Variants in TMED3 observed in about 807,000 individuals in gnomAD.
The protein encoded by TMED3 is transmembrane emp24 domain-containing protein 3.
In TMED3, 9 loss-of-function variants were observed where a neutral mutation model predicts 15.0. The ratio of observed to expected loss-of-function variants is 0.60; its 90% CI spans 0.36 to 1.04. The LOEUF is 1.04. Ranked by LOEUF, TMED3 falls within the 50% of genes least tolerant of loss-of-function variation. The pLI, the probability that TMED3 is intolerant of heterozygous loss-of-function variation, is 0.01. For missense variants in TMED3, 267 were observed against 278.9 expected (o/e 0.96, Z 0.30); for synonymous variants, 117 against 121.4 (o/e 0.96, Z 0.24).
At chr15:79,357,347 T>A (rs1019046908) in intron 2 of TMED3, among the ~76,000 whole-genome samples, 13 of 150,476 alleles carry the variant, frequency 8.6e-5, no homozygotes, top group African/African-American at 3.2e-4. Context: ...TTGCCAAGCA[T>A]GGCAGTGCAT....
At chr15:79,345,482 T>G (rs7174031) in intron 2 of TMED3, among the ~76,000 whole-genome samples, 14,350 of 152,256 alleles carry the variant, frequency 0.094, 711 homozygotes, top group Admixed American at 0.12. Flanking sequence ...CATGATCTTG[T>G]TCTTTTTCTG....
At chr15:79,376,092 G>GTTTTTTTTTTTTTTTTT (rs199728545) in intron 2 of TMED3, among the ~76,000 whole-genome samples, 4 of 112,080 alleles carry the variant, frequency 3.6e-5, no homozygotes, top group African/African-American at 1.1e-4. Context: ...CTAGAGAAAG[G>GTTTTTTTTTTTTTTTTT]TTTTTTTTTT....
intron 2 of TMED3, among the ~76,000 whole-genome samples, chr15:79,333,783 G>A (rs1162750019): frequency 6.6e-6 from 1 of 152,126 alleles, no homozygotes; most frequent in African/African-American, 2.4e-5. Flanking sequence ...TAAAGCTACT[G>A]TGAGAATTAG....
At chr15:79,336,704 A>G (rs2058828358) in intron 2 of TMED3, among the ~76,000 whole-genome samples, 1 of 135,140 alleles carries the variant, frequency 7.4e-6, no homozygotes, top group Non-Finnish European at 1.7e-5. Context: ...CAAACAAACA[A>G]ACAAACAAAC....
At chr15:79,338,462 T>C (rs1182920034) in intron 2 of TMED3, among the ~76,000 whole-genome samples, 2 of 152,160 alleles carry the variant, frequency 1.3e-5, no homozygotes, top group East Asian at 3.9e-4. Flanking sequence ...GAAAGTTCCT[T>C]GTAAAATTAA....
At chr15:79,322,902 G>A (rs572368905), downstream of TMED3, 3 of 985,162 alleles carry the variant, frequency 3.0e-6, no homozygotes, top group East Asian at 1.1e-4. Context: ...GCAGAGCATG[G>A]GTGTGTGCAT....
chr15:79,333,173 T>C (rs1261645523), intron 2 of TMED3, among the ~76,000 whole-genome samples: 1 of 152,258 alleles, frequency 6.6e-6, no homozygotes, highest in African/African-American at 2.4e-5. Flanking sequence ...GGTACAGGTC[T>C]ACTGGGGAGA....
chr15:79,314,107 C>G, intron 2 of TMED3, 102 bp downstream of exon 2: 1 of 1,479,740 alleles, frequency 6.8e-7, no homozygotes, highest in Admixed American at 2.1e-5. Flanking sequence ...CCATCCAGCT[C>G]CCAGTCTGGA....
intron 2 of TMED3, among the ~76,000 whole-genome samples, chr15:79,361,334 A>T (rs1008849050): frequency 1.3e-5 from 2 of 152,246 alleles, no homozygotes; most frequent in African/African-American, 2.4e-5. Context: ...AAGTGAGGTA[A>T]CTCAGGTAAA....
At chr15:79,336,701 AC>A (rs2058828342) in intron 2 of TMED3, among the ~76,000 whole-genome samples, 1 of 135,098 alleles carries the variant, frequency 7.4e-6, no homozygotes, top group African/African-American at 2.5e-5. Flanking sequence ...AAACAAACAA[AC>A]AAACAAACAA....
intron 2 of TMED3, among the ~76,000 whole-genome samples, chr15:79,390,665 C>T (rs1020307428): frequency 3.3e-5 from 5 of 151,982 alleles, no homozygotes; most frequent in Admixed American, 3.3e-4. Context: ...AGGATTGGTA[C>T]CAATTCTTCT....
intron 2 of TMED3, among the ~76,000 whole-genome samples, chr15:79,344,210 C>T (rs774192090): frequency 1.3e-5 from 2 of 152,158 alleles, no homozygotes; most frequent in African/African-American, 4.8e-5. Flanking sequence ...GCCCACAAGG[C>T]ACCAGAAGAT....
chr15:79,363,913 C>T (rs1893179662), intron 2 of TMED3, among the ~76,000 whole-genome samples: 2 of 152,124 alleles, frequency 1.3e-5, no homozygotes, highest in Admixed American at 1.3e-4. Flanking sequence ...TCCAAACTCT[C>T]CGATGTCTTA....
At chr15:79,341,942 C>T (rs891801264) in intron 2 of TMED3, among the ~76,000 whole-genome samples, 2 of 152,236 alleles carry the variant, frequency 1.3e-5, no homozygotes, top group Non-Finnish European at 2.9e-5. Context: ...AAGAAGTATA[C>T]GACCCAGAGT....
intron 2 of TMED3, among the ~76,000 whole-genome samples, chr15:79,364,986 G>A (rs1475769240): frequency 2.6e-5 from 4 of 152,238 alleles, no homozygotes; most frequent in Non-Finnish European, 5.9e-5. Flanking sequence ...CACTTAAGCT[G>A]TCTGCGGATG....
At chr15:79,389,604 A>G (rs1893671181) in intron 2 of TMED3, among the ~76,000 whole-genome samples, 1 of 152,026 alleles carries the variant, frequency 6.6e-6, no homozygotes, top group Non-Finnish European at 1.5e-5. Flanking sequence ...GAATTTTAGA[A>G]TTGTGTTCTC....
chr15:79,324,051 T>C (rs778188386), downstream of TMED3, among the ~76,000 whole-genome samples: 11 of 152,156 alleles, frequency 7.2e-5, no homozygotes, highest in Admixed American at 1.3e-4. Flanking sequence ...AGTGCAGTGG[T>C]GCAGTCTCGG....
chr15:79,365,642 C>T (rs774187340), intron 2 of TMED3, among the ~76,000 whole-genome samples: 13 of 152,216 alleles, frequency 8.5e-5, no homozygotes, highest in Non-Finnish European at 1.6e-4. Context: ...GTCTGGTGCT[C>T]AGTAAATCAG....
chr15:79,331,113 A>G (rs1419348795), intron 2 of TMED3, among the ~76,000 whole-genome samples: 1 of 152,154 alleles, frequency 6.6e-6, no homozygotes, highest in African/African-American at 2.4e-5. Flanking sequence ...CTTTTAAACA[A>G]CCAGATTGTG....
Sources: allele counts gnomAD v4.1 joint callset (sites outside exome capture counted in the v4.1 genomes callset), GRCh38; gene constraint gnomAD v4.1.1; transcripts MANE v1.5; gene names NCBI Gene and HGNC (gene_info 2026-07-23, HGNC 2026-07-21).